Variants in CTNNA3 observed in about 807,000 individuals in gnomAD.
CTNNA3 encodes the protein catenin alpha-3.
In CTNNA3, 76 loss-of-function variants were observed where a neutral mutation model predicts 95.7. The observed-to-expected ratio is 0.79, with a 90% confidence interval of 0.66 to 0.96. The LOEUF (loss-of-function observed/expected upper bound fraction) is 0.96. CTNNA3 is among the 40% of genes least tolerant of loss of function. The probability of loss-of-function intolerance (pLI) is 0.00; values close to 1 mark genes in which losing one functional copy is unlikely to be tolerated. For synonymous variants in CTNNA3, 431 were observed against 374.4 expected (o/e 1.15, Z -1.74); for missense variants, 1,191 against 1,089.8 (o/e 1.09, Z -1.31).
chr10:66,599,566 A>G (rs1843845981), intron 10 of CTNNA3, among the ~76,000 whole-genome samples: 1 of 151,948 alleles, frequency 6.6e-6, no homozygotes, highest in Non-Finnish European at 1.5e-5. Flanking sequence ...CATTCTGAAA[A>G]AATACAGTAA....
At chr10:67,046,689 CAGG>C (rs573152999) in intron 7 of CTNNA3, among the ~76,000 whole-genome samples, 26 of 152,316 alleles carry the variant, frequency 1.7e-4, no homozygotes, top group East Asian at 9.6e-4. Context: ...TACATTGGCA[CAGG>C]AGAAGATAAA....
intron 7 of CTNNA3, among the ~76,000 whole-genome samples, chr10:66,941,237 C>T (rs1233559269): frequency 6.6e-6 from 1 of 152,224 alleles, no homozygotes; most frequent in Non-Finnish European, 1.5e-5. Context: ...CTCCATTTTA[C>T]TCCAGTGTCA....
intron 9 of CTNNA3, among the ~76,000 whole-genome samples, chr10:66,656,235 T>C (rs1459653849): frequency 6.6e-6 from 1 of 152,088 alleles, no homozygotes; most frequent in Non-Finnish European, 1.5e-5. Context: ...AAGAATTAGA[T>C]AATTGAGGAT....
intron 3 of CTNNA3, among the ~76,000 whole-genome samples, chr10:67,544,568 T>C (rs954500508): frequency 6.6e-6 from 1 of 152,138 alleles, no homozygotes; most frequent in Non-Finnish European, 1.5e-5. Context: ...ACACTGATAA[T>C]CTGCACATGC....
chr10:66,203,346 A>G (rs898570923), intron 13 of CTNNA3, among the ~76,000 whole-genome samples: 1 of 152,204 alleles, frequency 6.6e-6, no homozygotes, highest in African/African-American at 2.4e-5. Flanking sequence ...AGCCATAAAT[A>G]ATACTTCAAA....
At chr10:66,453,495 A>C (rs2093477809) in intron 11 of CTNNA3, among the ~76,000 whole-genome samples, 1 of 152,214 alleles carries the variant, frequency 6.6e-6, no homozygotes. Flanking sequence ...GAACCATCAG[A>C]AGTAGGAAGA....
intron 11 of CTNNA3, among the ~76,000 whole-genome samples, chr10:66,429,940 T>C (rs890519008): frequency 6.0e-5 from 9 of 150,468 alleles, no homozygotes; most frequent in South Asian, 2.1e-4. Context: ...GGGTATTCAA[T>C]TAGGAAAAGA....
intron 7 of CTNNA3, among the ~76,000 whole-genome samples, chr10:66,803,161 A>G (rs961567788): frequency 1.3e-5 from 2 of 152,032 alleles, no homozygotes; most frequent in African/African-American, 2.4e-5. Flanking sequence ...TCTTCTTACA[A>G]TAGATAATTT....
At chr10:67,108,270 A>G (rs1251823902) in intron 7 of CTNNA3, among the ~76,000 whole-genome samples, 2 of 152,174 alleles carry the variant, frequency 1.3e-5, no homozygotes, top group African/African-American at 4.8e-5. Flanking sequence ...CTGAAACATG[A>G]TACATAAGAA....
At chr10:66,980,910 A>G (rs187839127) in intron 7 of CTNNA3, among the ~76,000 whole-genome samples, 152 of 151,834 alleles carry the variant, frequency 1.0e-3, no homozygotes, top group Admixed American at 3.0e-3. Context: ...TTTCTTTTTT[A>G]TTTATTTATT....
intron 11 of CTNNA3, among the ~76,000 whole-genome samples, chr10:66,413,272 C>T (rs2093122506): frequency 3.3e-5 from 5 of 151,964 alleles, no homozygotes. Flanking sequence ...TGTTGTATAT[C>T]CAGAATCTCA....
chr10:66,650,513 C>T (rs1317576390), intron 9 of CTNNA3, among the ~76,000 whole-genome samples: 1 of 152,094 alleles, frequency 6.6e-6, no homozygotes, highest in Non-Finnish European at 1.5e-5. Flanking sequence ...ATGATGTGTC[C>T]GGAATTGGTG....
chr10:66,033,430 C>A (rs560725932), intron 15 of CTNNA3, among the ~76,000 whole-genome samples: 2 of 151,998 alleles, frequency 1.3e-5, no homozygotes, highest in Non-Finnish European at 2.9e-5. Flanking sequence ...CCACTGTGCC[C>A]GGCATAATTG....
intron 11 of CTNNA3, among the ~76,000 whole-genome samples, chr10:66,423,902 C>G (rs150090138): frequency 3.3e-4 from 51 of 152,308 alleles, no homozygotes; most frequent in African/African-American, 1.2e-3. Flanking sequence ...GGAAAAACAT[C>G]CATGTCTGGT....
intron 7 of CTNNA3, among the ~76,000 whole-genome samples, chr10:66,889,351 G>C (rs924449891): frequency 6.6e-6 from 1 of 152,144 alleles, no homozygotes; most frequent in Admixed American, 6.5e-5. Context: ...AACACCAGGA[G>C]TTACTACTAA....
chr10:67,183,907 T>C (rs923178238), intron 6 of CTNNA3, among the ~76,000 whole-genome samples: 1 of 152,170 alleles, frequency 6.6e-6, no homozygotes, highest in Non-Finnish European at 1.5e-5. Context: ...CAGTCTTTTT[T>C]ACATTATTAA....
chr10:66,374,647 C>T (rs1486469264), intron 12 of CTNNA3, among the ~76,000 whole-genome samples: 6 of 129,264 alleles, frequency 4.6e-5, no homozygotes, highest in African/African-American at 1.8e-4. Flanking sequence ...CGGAGTCTCG[C>T]TCTGTCACCC....
chr10:67,224,644 C>T (rs561135602), intron 5 of CTNNA3, among the ~76,000 whole-genome samples: 8 of 152,162 alleles, frequency 5.3e-5, no homozygotes, highest in African/African-American at 1.9e-4. Flanking sequence ...CTGACCTTAC[C>T]TGGAGCTGAG....
In CTNNA3 at chr10:66,451,058, G is replaced by A. The variant is rs112345414; in HGVS notation, c.1531+69559C>T. Among the ~76,000 whole-genome samples the A allele has an allele frequency of 9.8e-3, 1,488 of 152,076 alleles. 32 individuals carry two copies. Among genetic ancestry groups the A allele is most frequent in the African/African-American group, 0.034 (1,415 of 41,508 alleles). ...CTTTTGAGTGGATTCAATAGCACGT[G>A]TACACACACATACACACACATACAC... On this transcript the variant is annotated intron_variant, in intron 11 of 17. Transcript: ENST00000433211.
Sources: gnomAD v4.1 joint callset for allele counts (sites outside exome capture counted in the v4.1 genomes callset) on GRCh38, gnomAD v4.1.1 for gene constraint, MANE v1.5 for transcripts, NCBI Gene and HGNC (gene_info 2026-07-23, HGNC 2026-07-21) for gene names.